The following FLT1 variants were observed in gnomAD, a reference collection of about 807,000 sequenced individuals.
FLT1 encodes fms related receptor tyrosine kinase 1.
A neutral mutation model predicts 156.3 loss-of-function variants in FLT1; 49 were observed. That is an observed-to-expected ratio of 0.31 (90% CI 0.25 to 0.40). The LOEUF is 0.40. Among genes scored for constraint, FLT1 ranks in the 10% least tolerant of loss-of-function variants. The probability of loss-of-function intolerance (pLI) is 1.00; values close to 1 mark genes in which losing one functional copy is unlikely to be tolerated. For synonymous variants in FLT1, 594 were observed against 583.8 expected, an observed-to-expected ratio of 1.02 and a Z score of -0.25; for missense variants, 1,322 against 1,637.2, an observed-to-expected ratio of 0.81 and a Z score of 3.32.
intron 14 of FLT1, among the ~76,000 whole-genome samples, chr13:28,379,353 A>T (rs543057873): frequency 1.1e-4 from 17 of 152,284 alleles, no homozygotes; most frequent in Admixed American, 2.0e-4. Flanking sequence ...AAAACAAAAC[A>T]AAAAAGCATT....
intron 8 of FLT1, among the ~76,000 whole-genome samples, chr13:28,429,530 A>G (rs1001969625): frequency 3.3e-5 from 5 of 152,202 alleles, no homozygotes; most frequent in African/African-American, 1.2e-4. Flanking sequence ...AGCCAAAAAA[A>G]ACTTAATTAG....
intron 14 of FLT1, among the ~76,000 whole-genome samples, chr13:28,383,781 T>G (rs571139472): frequency 8.6e-5 from 13 of 151,940 alleles, no homozygotes; most frequent in African/African-American, 3.1e-4. Context: ...GTGAGCTGAG[T>G]GAGATCGTGC....
chr13:28,473,693 G>GAGAGA (rs1880321463), intron 1 of FLT1, among the ~76,000 whole-genome samples: 1 of 134,468 alleles, frequency 7.4e-6, no homozygotes, highest in Non-Finnish European at 1.6e-5. Flanking sequence ...GAGAGAGAGA[G>GAGAGA]AAAGAAAAGA....
At chr13:28,402,271 C>T (rs1025308154) in intron 11 of FLT1, among the ~76,000 whole-genome samples, 3 of 152,030 alleles carry the variant, frequency 2.0e-5, no homozygotes, top group African/African-American at 4.8e-5. Flanking sequence ...AAGGGATCAC[C>T]GCAGTCTAAG....
At chr13:28,480,743 ATCT>A (rs914002193) in intron 1 of FLT1, among the ~76,000 whole-genome samples, 1 of 152,138 alleles carries the variant, frequency 6.6e-6, no homozygotes, top group Non-Finnish European at 1.5e-5. Context: ...AAGCTCTATC[ATCT>A]TCTTTCAATG....
intron 12 of FLT1, among the ~76,000 whole-genome samples, chr13:28,392,685 A>G (rs561233430): frequency 1.3e-5 from 2 of 152,228 alleles, no homozygotes; most frequent in Non-Finnish European, 2.9e-5. Flanking sequence ...AAATGCATTT[A>G]GTGACATTGG....
At chr13:28,330,767 G>A (rs1038998731) in intron 18 of FLT1, among the ~76,000 whole-genome samples, 1 of 151,634 alleles carries the variant, frequency 6.6e-6, no homozygotes, top group Non-Finnish European at 1.5e-5. Flanking sequence ...AGGCTGGCGT[G>A]CATTGGTGCG....
intron 18 of FLT1, among the ~76,000 whole-genome samples, chr13:28,330,734 G>A (rs1871897359): frequency 6.7e-6 from 1 of 149,202 alleles, no homozygotes; most frequent in Non-Finnish European, 1.5e-5. Flanking sequence ...TTTTTTTTGA[G>A]ACAGAGTCTC....
At chr13:28,344,792 CTTTTTTT>C (rs869199622) in intron 16 of FLT1, among the ~76,000 whole-genome samples, 10 of 41,408 alleles carry the variant, frequency 2.4e-4, no homozygotes, top group East Asian at 1.2e-3. Context: ...GGGGCCTTTA[CTTTTTTT>C]TTTTTTTTTT....
At chr13:28,457,933 C>CTTTTTTTTTTTTTTTTTTTTTTTTTTTT (rs894090277) in intron 3 of FLT1, among the ~76,000 whole-genome samples, 1 of 114,210 alleles carries the variant, frequency 8.8e-6, no homozygotes, top group Admixed American at 1.0e-4. Flanking sequence ...CTTTCCTTTT[C>CTTTTTTTTTTTTTTTTTTTTTTTTTTTT]TTTTTTTTTT....
Position 28,427,276 on chromosome 13 carries a change from T to C in FLT1, c.1319A>G (p.Asp440Gly). The C allele has an allele frequency of 6.2e-7, 1 of 1,613,792 alleles. No homozygotes were observed. Among genetic ancestry groups the C allele is most frequent in the Non-Finnish European group, 8.5e-7 (1 of 1,179,892 alleles). The change falls in exon 10 of 30, where the codon GAC (aspartate) becomes GGC (glycine). Residue 440 changes from aspartate to glycine, a missense_variant. By Grantham distance (94) the Asp-to-Gly change is moderately conservative. Around this residue, in one of 3 missense-constraint regions of FLT1, gnomAD observed 991 missense variants for 1,254.8 expected, o/e 0.79. Transcript: ENST00000282397. ...IYEKAVSSFPDPALYPLGSRQ... is the reference protein window; with the variant it reads ...IYEKAVSSFPGPALYPLGSRQ... ...GCTGCCCAGTGGGTAGAGAGCCGGG[T>C]CTGGAAACGATGACACGGCCTTTTC...
At chr13:28,345,362 A>G (rs771437095) in intron 16 of FLT1, 83 bp downstream of exon 16, 4 of 807,982 alleles carry the variant, frequency 5.0e-6, no homozygotes, top group Non-Finnish European at 8.5e-6. Flanking sequence ...AGGGTCCAAC[A>G]TTTGTTTGCC....
intron 6 of FLT1, among the ~76,000 whole-genome samples, chr13:28,432,068 T>C (rs532514343): frequency 6.6e-6 from 1 of 152,126 alleles, no homozygotes; most frequent in African/African-American, 2.4e-5. Context: ...ACAATGACAG[T>C]CCTGCTCACT....
At chr13:28,376,246 G>A (rs755020899) in intron 14 of FLT1, among the ~76,000 whole-genome samples, 11 of 152,126 alleles carry the variant, frequency 7.2e-5, no homozygotes, top group Non-Finnish European at 1.3e-4. Flanking sequence ...TAGTCCTAGT[G>A]ATCAAGAAGA....
At chr13:28,341,182 A>G (rs376684605) in intron 16 of FLT1, among the ~76,000 whole-genome samples, 3 of 152,310 alleles carry the variant, frequency 2.0e-5, no homozygotes, top group Middle Eastern at 3.4e-3. Flanking sequence ...CGTGGCACCT[A>G]TGGAATTTTA....
At chr13:28,446,375 T>G (rs1382891451) in intron 3 of FLT1, among the ~76,000 whole-genome samples, 1 of 152,106 alleles carries the variant, frequency 6.6e-6, no homozygotes, top group Admixed American at 6.6e-5. Flanking sequence ...TGGAAAACAG[T>G]CTCTGTTTTC....
intron 6 of FLT1, among the ~76,000 whole-genome samples, chr13:28,432,260 TC>T (rs1555239880): frequency 1.4e-5 from 1 of 73,498 alleles, no homozygotes; most frequent in East Asian, 7.0e-4. Context: ...AGCTTAGTTC[TC>T]CTCTGTGCCA....
chr13:28,461,892 C>T (rs942202191), intron 3 of FLT1, among the ~76,000 whole-genome samples: 3 of 152,132 alleles, frequency 2.0e-5, no homozygotes, highest in Non-Finnish European at 4.4e-5. Context: ...AAATCAACTG[C>T]GGAAAAATTT....
chr13:28,374,506 T>C (rs2137433856), intron 14 of FLT1, among the ~76,000 whole-genome samples: 1 of 151,976 alleles, frequency 6.6e-6, no homozygotes, highest in East Asian at 1.9e-4. Flanking sequence ...AGTTCTCTCC[T>C]ATTTCTTTTC....
Sources: allele counts gnomAD v4.1 joint callset (sites outside exome capture counted in the v4.1 genomes callset), GRCh38; gene constraint gnomAD v4.1.1; regional missense constraint gnomAD v4.1.1; transcripts MANE v1.5; gene names NCBI Gene and HGNC (gene_info 2026-07-23, HGNC 2026-07-21).